The following TIAM2 variants were observed in gnomAD, a reference collection of about 807,000 sequenced individuals.
TIAM2 encodes rho guanine nucleotide exchange factor TIAM2.
TIAM2 carries 80 observed loss-of-function variants against 152.9 expected under a neutral mutation model. The observed-to-expected ratio is 0.52, with a 90% confidence interval of 0.44 to 0.63. The LOEUF (loss-of-function observed/expected upper bound fraction) is 0.63, where lower values mean the gene tolerates loss of function less well. TIAM2 is among the 30% of genes least tolerant of loss of function. The pLI is 0.00. For synonymous variants in TIAM2, 804 were observed against 838.0 expected (o/e 0.96, Z 0.70); for missense variants, 1,965 against 2,120.1 (o/e 0.93, Z 1.44).
chr6:155,202,365 CTGTGTTACTTAAAAAT>C (rs1328264346), intron 14 of TIAM2, among the ~76,000 whole-genome samples: 1 of 152,154 alleles, frequency 6.6e-6, no homozygotes, highest in African/African-American at 2.4e-5. Context: ...TTTGGACAAT[CTGTGTTACTTAAAAAT>C]ATGCATTGCT....
intron 1 of TIAM2, among the ~76,000 whole-genome samples, chr6:155,018,217 AAC>A (rs1778631253): frequency 2.2e-5 from 3 of 138,438 alleles, no homozygotes; most frequent in Non-Finnish European, 4.7e-5. Context: ...CAGCCTGGGC[AAC>A]AGAGTGAGAC....
intron 2 of TIAM2, among the ~76,000 whole-genome samples, chr6:155,104,618 G>C (rs7761874): frequency 6.6e-6 from 1 of 151,976 alleles, no homozygotes; most frequent in Admixed American, 6.6e-5. Flanking sequence ...TTAGCTGGGC[G>C]TGGTGGCGGG....
chr6:155,041,381 CTG>C (rs111687031), intron 1 of TIAM2, among the ~76,000 whole-genome samples: 37,280 of 151,996 alleles, frequency 0.25, 4,638 homozygotes, highest in Middle Eastern at 0.29. Context: ...GGGGTTCAAA[CTG>C]TGTTTTTCTA....
At position 155,017,175 on chromosome 6, in the gene TIAM2, T is replaced by C. The variant is rs1322507940; in HGVS notation, c.-209+21683T>C. On this transcript the variant is annotated intron_variant, in intron 1 of 26. Coordinates refer to ENST00000682666, the MANE Select transcript of TIAM2 (RefSeq NM_012454.4). ...GCAGTCTCCCGAGGAGTCTGGCTGG[T>C]CCAGGAGCAGGGATGGAATGATGGG... Among the ~76,000 whole-genome samples, 3 of 152,208 alleles carry C rather than the reference T, an allele frequency of 2.0e-5. No homozygotes were observed. The East Asian group carries it at 5.8e-4, about 29-fold the overall frequency.
intron 1 of TIAM2, among the ~76,000 whole-genome samples, chr6:155,085,259 A>G (rs1350415526): frequency 6.6e-6 from 1 of 152,248 alleles, no homozygotes; most frequent in Non-Finnish European, 1.5e-5. Context: ...GATGGTGGCT[A>G]CAAAGAAGAT....
chr6:155,016,410 T>TA (rs1019405929), intron 1 of TIAM2: 9 of 152,074 alleles, frequency 5.9e-5, no homozygotes, highest in Admixed American at 3.9e-4. Flanking sequence ...CATAAAAGGA[T>TA]AAAAAAATTA....
intron 1 of TIAM2, among the ~76,000 whole-genome samples, chr6:155,002,673 T>TTTTTTTTATTTATTTATTTATTTATTTA (rs1562286542): frequency 2.0e-5 from 3 of 150,156 alleles, no homozygotes; most frequent in Non-Finnish European, 4.4e-5. Flanking sequence ...GCTTTGCTTG[T>TTTTTTTTATTTATTTATTTATTTATTTA]TTTATTTATT....
intron 1 of TIAM2, among the ~76,000 whole-genome samples, chr6:155,074,853 C>CAAAA (rs71023618): frequency 1.6e-4 from 6 of 37,656 alleles, no homozygotes; most frequent in Non-Finnish European, 2.1e-4. Flanking sequence ...GACTCTGTCT[C>CAAAA]AAAAAAAAAA....
intron 1 of TIAM2, among the ~76,000 whole-genome samples, chr6:155,043,575 A>G (rs1411330188): frequency 6.8e-6 from 1 of 146,868 alleles, no homozygotes; most frequent in Non-Finnish European, 1.5e-5. Flanking sequence ...TTGAGGCTGC[A>G]GTAAGCAGCG....
chr6:155,070,224 T>TTTTTTTTC (rs1296130261), intron 1 of TIAM2, among the ~76,000 whole-genome samples: 5 of 129,148 alleles, frequency 3.9e-5, no homozygotes, highest in African/African-American at 1.5e-4. Flanking sequence ...TTTTTTTTTT[T>TTTTTTTTC]TTTTTTTTTT....
At chr6:155,244,314 T>C (rs1384248332) in intron 17 of TIAM2, among the ~76,000 whole-genome samples, 1 of 152,210 alleles carries the variant, frequency 6.6e-6, no homozygotes, top group Non-Finnish European at 1.5e-5. Flanking sequence ...CTTTTTGAGG[T>C]AGAAGAGAGT....
intron 1 of TIAM2, among the ~76,000 whole-genome samples, chr6:155,086,210 C>T (rs146774813): frequency 3.9e-5 from 6 of 152,288 alleles, no homozygotes; most frequent in Non-Finnish European, 7.3e-5. Context: ...GAACCAGTAA[C>T]TTGTCATTGC....
intron 1 of TIAM2, among the ~76,000 whole-genome samples, chr6:155,026,958 A>G (rs1776615335): frequency 6.6e-6 from 1 of 152,126 alleles, no homozygotes; most frequent in Non-Finnish European, 1.5e-5. Flanking sequence ...TGCCACCTTT[A>G]TGATATTCTG....
chr6:155,021,924 T>C (rs1776503741), intron 1 of TIAM2, among the ~76,000 whole-genome samples: 1 of 152,206 alleles, frequency 6.6e-6, no homozygotes, highest in East Asian at 1.9e-4. Flanking sequence ...ATGGTTCAGA[T>C]AAAGCCCCTG....
intron 1 of TIAM2, among the ~76,000 whole-genome samples, chr6:155,033,365 G>A (rs1250741827): frequency 3.9e-5 from 6 of 152,154 alleles, no homozygotes; most frequent in Non-Finnish European, 8.8e-5. Flanking sequence ...AGAAAAATAA[G>A]ACATAGTCCT....
chr6:155,029,533 A>ATATACTAT (rs1562295299), intron 1 of TIAM2, among the ~76,000 whole-genome samples: 69 of 65,564 alleles, frequency 1.1e-3, no homozygotes, highest in Non-Finnish European at 1.5e-3. Context: ...TAGTATAGAT[A>ATATACTAT]ATAATATATA....
At chr6:155,195,056 C>T (rs1472504773) in intron 14 of TIAM2, among the ~76,000 whole-genome samples, 1 of 152,178 alleles carries the variant, frequency 6.6e-6, no homozygotes, top group Non-Finnish European at 1.5e-5. Flanking sequence ...TCAATGAAAC[C>T]TCTTTATTTT....
At chr6:155,226,535 C>G (rs1457716598) in intron 15 of TIAM2, among the ~76,000 whole-genome samples, 1 of 152,040 alleles carries the variant, frequency 6.6e-6, no homozygotes, top group Non-Finnish European at 1.5e-5. Flanking sequence ...TATGGTGGTG[C>G]ACGCCTGTAA....
At chr6:155,042,776 C>T (rs565703148) in intron 1 of TIAM2, among the ~76,000 whole-genome samples, 16 of 141,362 alleles carry the variant, frequency 1.1e-4, no homozygotes, top group African/African-American at 3.9e-4. Context: ...GCGGTGAGAA[C>T]GCTGAAAATC....
Sources: allele counts gnomAD v4.1 joint callset (sites outside exome capture counted in the v4.1 genomes callset), GRCh38; gene constraint gnomAD v4.1.1; transcripts MANE v1.5; gene names NCBI Gene and HGNC (gene_info 2026-07-23, HGNC 2026-07-21).